The following PKIB variants were observed in gnomAD, a reference collection of about 807,000 sequenced individuals.
The protein encoded by PKIB is PKI-beta.
A neutral mutation model predicts 4.5 loss-of-function variants in PKIB; 2 were observed. The ratio of observed to expected loss-of-function variants is 0.44; its 90% confidence interval spans 0.18 to 1.39. The LOEUF (loss-of-function observed/expected upper bound fraction) is 1.39. Among genes scored for constraint, PKIB ranks in the 40% most tolerant of loss-of-function variants. The pLI, the probability that PKIB is intolerant of heterozygous loss-of-function variation, is 0.27. For missense variants in PKIB, 94 were observed against 92.6 expected (o/e 1.02, Z -0.06); for synonymous variants, 38 against 36.0 (o/e 1.06, Z -0.20).
At chr6:122,530,786 T>C (rs913725356) in intron 2 of PKIB, among the ~76,000 whole-genome samples, 1 of 152,194 alleles carries the variant, frequency 6.6e-6, no homozygotes, top group Non-Finnish European at 1.5e-5. Flanking sequence ...GGAAACGTGG[T>C]CAACTCTCCT....
chr6:122,611,005 C>G (rs914413455), intron 1 of PKIB, among the ~76,000 whole-genome samples: 28 of 152,360 alleles, frequency 1.8e-4, no homozygotes, highest in African/African-American at 6.7e-4. Flanking sequence ...GGCTGTGTGG[C>G]TTTAGCCAAG....
intron 3 of PKIB, among the ~76,000 whole-genome samples, chr6:122,687,343 A>G (rs999584545): frequency 6.6e-6 from 1 of 152,160 alleles, no homozygotes; most frequent in Admixed American, 6.5e-5. Context: ...TTTTTATGCT[A>G]GTAGCCTGCT....
chr6:122,611,215 G>A (rs1321111036), intron 1 of PKIB, among the ~76,000 whole-genome samples: 2 of 152,222 alleles, frequency 1.3e-5, no homozygotes, highest in Non-Finnish European at 2.9e-5. Flanking sequence ...GCTGATGCTA[G>A]CCCCTTGGGG....
chr6:122,575,319 C>T (rs9490482), intron 2 of PKIB, among the ~76,000 whole-genome samples: 2,199 of 152,130 alleles, frequency 0.014, 56 homozygotes, highest in African/African-American at 0.051. Context: ...TAAATTAGTA[C>T]AACCACGATG....
At chr6:122,520,669 C>CCA (rs1776912561) in intron 2 of PKIB, among the ~76,000 whole-genome samples, 1 of 119,216 alleles carries the variant, frequency 8.4e-6, no homozygotes, top group Non-Finnish European at 1.6e-5. Flanking sequence ...GTTCCCACCC[C>CCA]CCCCCCACCA....
In PKIB at chr6:122,717,934, T is replaced by C; in HGVS notation, c.140T>C (p.Leu47Pro). ...ACAGACGGAACCTCAGATTTGCCCC[T>C]CAAACTGGAGGCTCTCTCCGTGAAG... ...AATDGTSDLP[L>P]KLEALSVKED... is the part of the protein sequence containing the mutation. The change falls in exon 4 of 5, where the codon CTC (leucine) becomes CCC (proline). Residue 47 changes from leucine to proline, a missense_variant. Transcript: ENST00000368452. 1 of 1,613,748 alleles carries C rather than the reference T, an allele frequency of 6.2e-7. No homozygotes were observed. Among genetic ancestry groups the C allele is most frequent in the Non-Finnish European group, 8.5e-7 (1 of 1,179,682 alleles).
chr6:122,659,869 G>T (rs541525034), intron 2 of PKIB, among the ~76,000 whole-genome samples: 50 of 150,514 alleles, frequency 3.3e-4, no homozygotes, highest in Admixed American at 1.2e-3. Flanking sequence ...ACAATTAAAA[G>T]AAAAAAATGG....
At chr6:122,576,904 A>G (rs1773559509) in intron 2 of PKIB, among the ~76,000 whole-genome samples, 1 of 151,830 alleles carries the variant, frequency 6.6e-6, no homozygotes, top group Non-Finnish European at 1.5e-5. Context: ...GAGCAAATAA[A>G]GGAAATAAAT....
intron 3 of PKIB, among the ~76,000 whole-genome samples, chr6:122,714,945 T>A (rs901905343): frequency 2.0e-5 from 3 of 151,270 alleles, no homozygotes; most frequent in African/African-American, 4.9e-5. Flanking sequence ...CCACCATACC[T>A]GACTATTTTT....
chr6:122,507,728 C>G (rs965310186), intron 2 of PKIB, among the ~76,000 whole-genome samples: 4 of 151,494 alleles, frequency 2.6e-5, no homozygotes, highest in African/African-American at 7.3e-5. Context: ...TGTAGGTACC[C>G]AAACTGGAAG....
At chr6:122,576,194 C>A (rs985164722) in intron 2 of PKIB, among the ~76,000 whole-genome samples, 5 of 152,122 alleles carry the variant, frequency 3.3e-5, no homozygotes, top group African/African-American at 1.2e-4. Flanking sequence ...ATACATTAAG[C>A]CTTACACTTA....
At chr6:122,530,504 G>T (rs1413476344) in intron 2 of PKIB, among the ~76,000 whole-genome samples, 1 of 152,014 alleles carries the variant, frequency 6.6e-6, no homozygotes, top group African/African-American at 2.4e-5. Context: ...CTTGTAATTT[G>T]TTTGTTTGTT....
chr6:122,514,446 C>T (rs1776684424), intron 2 of PKIB, among the ~76,000 whole-genome samples: 1 of 152,102 alleles, frequency 6.6e-6, no homozygotes, highest in African/African-American at 2.4e-5. Flanking sequence ...TTTAGAGAAA[C>T]GTGAGTTCAC....
chr6:122,615,536 G>T (rs1774945823), intron 1 of PKIB, among the ~76,000 whole-genome samples: 1 of 151,462 alleles, frequency 6.6e-6, no homozygotes, highest in Non-Finnish European at 1.5e-5. Context: ...GCGACTTCAT[G>T]GGTGTACTGA....
chr6:122,663,896 G>T (rs752249817), intron 2 of PKIB, among the ~76,000 whole-genome samples: 1 of 152,188 alleles, frequency 6.6e-6, no homozygotes, highest in Non-Finnish European at 1.5e-5. Context: ...AAGTGTGATT[G>T]TTTCAGACCA....
chr6:122,625,580 G>A (rs1011127350), intron 1 of PKIB, among the ~76,000 whole-genome samples: 3 of 152,096 alleles, frequency 2.0e-5, no homozygotes, highest in Admixed American at 6.5e-5. Flanking sequence ...GGAGGTTGCA[G>A]TGAGCTGAGA....
At chr6:122,685,439 A>G (rs1165681191) in intron 3 of PKIB, among the ~76,000 whole-genome samples, 5 of 152,200 alleles carry the variant, frequency 3.3e-5, no homozygotes, top group Admixed American at 2.6e-4. Flanking sequence ...ACAACTGCCT[A>G]TAAAAAAAGA....
At chr6:122,588,367 G>C (rs1200422972) in intron 3 of PKIB, among the ~76,000 whole-genome samples, 3 of 151,930 alleles carry the variant, frequency 2.0e-5, no homozygotes, top group Non-Finnish European at 4.4e-5. Flanking sequence ...CATTGGTCTA[G>C]ATTCAATGCC....
At chr6:122,622,464 T>C (rs1775277838) in intron 1 of PKIB, among the ~76,000 whole-genome samples, 1 of 152,216 alleles carries the variant, frequency 6.6e-6, no homozygotes, top group Non-Finnish European at 1.5e-5. Flanking sequence ...CTGATTTTTA[T>C]TTAGCTATCA....
Sources: allele counts gnomAD v4.1 joint callset (sites outside exome capture counted in the v4.1 genomes callset), GRCh38; gene constraint gnomAD v4.1.1; transcripts MANE v1.5; gene names NCBI Gene and HGNC (gene_info 2026-07-23, HGNC 2026-07-21).